FAXC: variants seen among roughly 807,000 people sequenced by gnomAD.
The protein encoded by FAXC is failed axon connections homolog.
In FAXC, 10 loss-of-function variants were observed where a neutral mutation model predicts 41.9. That is an observed-to-expected ratio of 0.24 (90% CI 0.15 to 0.41). The LOEUF (loss-of-function observed/expected upper bound fraction) is 0.41, where lower values mean the gene tolerates loss of function less well. Among genes scored for constraint, FAXC ranks in the 10% least tolerant of loss-of-function variants. The pLI is 1.00. For synonymous variants in FAXC, 183 were observed against 183.8 expected, an observed-to-expected ratio of 1.00 and a Z score of 0.03; for missense variants, 399 against 510.9, an observed-to-expected ratio of 0.78 and a Z score of 2.11.
rs1771169806 is a variant in FAXC, at chr6:99,289,943, G to A, written c.940+1761C>T. Among the ~76,000 whole-genome samples the A allele has an allele frequency of 2.0e-5, 3 of 151,446 alleles. 1 individual carries two copies. In the South Asian group the frequency reaches 6.3e-4, roughly 32 times the overall value. ...TGCCACCACTCGGCACCAGAAGAGA[G>A]TACTGCACCACACATATGGACAGCC... is the stretch of plus-strand genomic sequence containing the variant. On this transcript the variant is annotated intron_variant, in intron 5 of 5. Transcript: ENST00000389677.
intron 5 of FAXC, among the ~76,000 whole-genome samples, chr6:99,290,145 A>ACACACACC: frequency 1.3e-5 from 2 of 150,724 alleles, no homozygotes; most frequent in African/African-American, 4.9e-5. Context: ...ACATACACAC[A>ACACACACC]CCCCAAGATC....
intron 4 of FAXC, among the ~76,000 whole-genome samples, chr6:99,316,474 G>A (rs1241399695): frequency 6.6e-6 from 1 of 152,132 alleles, no homozygotes. Context: ...GCATGCCAGA[G>A]CTATAAGAGG....
At chr6:99,326,603 G>A (rs984549032) in intron 3 of FAXC, among the ~76,000 whole-genome samples, 1 of 152,168 alleles carries the variant, frequency 6.6e-6, no homozygotes, top group African/African-American at 2.4e-5. Context: ...GTGAGCAGGG[G>A]CATGTTGGTG....
intron 4 of FAXC, among the ~76,000 whole-genome samples, chr6:99,304,348 C>T (rs995174029): frequency 6.6e-6 from 1 of 151,942 alleles, no homozygotes; most frequent in African/African-American, 2.4e-5. Flanking sequence ...GAAACCCACT[C>T]TCCCTTATAT....
At chr6:99,288,834 A>T in intron 5 of FAXC, among the ~76,000 whole-genome samples, 1 of 147,040 alleles carries the variant, frequency 6.8e-6, no homozygotes. Flanking sequence ...CCTCCTGGGC[A>T]TGCACATGAA....
chr6:99,305,559 T>C (rs890792718), intron 4 of FAXC, among the ~76,000 whole-genome samples: 3 of 152,096 alleles, frequency 2.0e-5, no homozygotes, highest in Non-Finnish European at 4.4e-5. Flanking sequence ...CCTACCCTCA[T>C]ATGCCTTTAG....
intron 4 of FAXC, among the ~76,000 whole-genome samples, chr6:99,302,836 A>T (rs1186864034): frequency 1.3e-5 from 2 of 152,072 alleles, no homozygotes; most frequent in Admixed American, 6.5e-5. Flanking sequence ...AGTGATTAGA[A>T]GTTAAATGTC....
intron 5 of FAXC, among the ~76,000 whole-genome samples, chr6:99,283,154 T>C (rs958027928): frequency 6.6e-6 from 1 of 152,230 alleles, no homozygotes; most frequent in Non-Finnish European, 1.5e-5. Flanking sequence ...ATCTTATTTT[T>C]CTGTTAAGGA....
intron 3 of FAXC, among the ~76,000 whole-genome samples, chr6:99,325,561 C>T (rs761176): frequency 0.77 from 116,587 of 152,184 alleles, 44,974 homozygotes; most frequent in Middle Eastern, 0.93. Context: ...CATTGATCTT[C>T]CAATACAGAA....
At chr6:99,343,721 G>A (rs1773500411) in intron 1 of FAXC, among the ~76,000 whole-genome samples, 1 of 152,078 alleles carries the variant, frequency 6.6e-6, no homozygotes, top group African/African-American at 2.4e-5. Context: ...AAGTCTGTAG[G>A]GAATCTGAGA....
chr6:99,307,933 A>T (rs221531), intron 4 of FAXC, among the ~76,000 whole-genome samples: 1 of 151,600 alleles, frequency 6.6e-6, no homozygotes, highest in Non-Finnish European at 1.5e-5. Context: ...AATGACATTT[A>T]AAAAAAAAAC....
chr6:99,315,094 T>A (rs1160802721), intron 4 of FAXC, among the ~76,000 whole-genome samples: 10 of 151,284 alleles, frequency 6.6e-5, no homozygotes, highest in Non-Finnish European at 1.2e-4. Flanking sequence ...ATTAGCCAGG[T>A]GTGGTGCCGC....
At position 99,273,042 on chromosome 6, in the gene FAXC, A is replaced by C. The variant is rs1770469923; in HGVS notation, c.*8122T>G. On this transcript the variant is annotated 3_prime_UTR_variant, in exon 6 of 6. Transcript: ENST00000389677. ...CACAATTCAAATCTATCTTACAATC[A>C]AGTGTACAAGTTTAAATATGGCTTT... is the stretch of plus-strand genomic sequence containing the variant. 1 of 152,240 alleles carries C rather than the reference A, an allele frequency of 6.6e-6. No homozygotes were observed. The highest frequency in any genetic ancestry group is 1.5e-5 in the Non-Finnish European group (1 of 68,044). The allele number at this position is 152,240 out of a possible 1,614,324, so 9.4% of individuals were successfully genotyped here.
intron 3 of FAXC, among the ~76,000 whole-genome samples, chr6:99,330,724 G>A (rs572523021): frequency 3.3e-5 from 5 of 152,294 alleles, no homozygotes; most frequent in Admixed American, 2.6e-4. Flanking sequence ...TGTGAGTATA[G>A]ACACAACCTA....
At chr6:99,300,936 G>A (rs148314605) in intron 4 of FAXC, among the ~76,000 whole-genome samples, 1 of 152,240 alleles carries the variant, frequency 6.6e-6, no homozygotes, top group Non-Finnish European at 1.5e-5. Flanking sequence ...GAGGTTTTGT[G>A]TTTGGCCCTC....
intron 2 of FAXC, among the ~76,000 whole-genome samples, chr6:99,338,960 C>A (rs6569996): frequency 0.49 from 74,346 of 151,938 alleles, 18,451 homozygotes; most frequent in East Asian, 0.59. Flanking sequence ...AGTCTGGACT[C>A]GGTGCCACTT....
intron 1 of FAXC, among the ~76,000 whole-genome samples, chr6:99,344,340 G>GTCAGATAAACTTCACTCTTCCT (rs1773522547): frequency 6.6e-6 from 1 of 152,044 alleles, no homozygotes; most frequent in Non-Finnish European, 1.5e-5. Flanking sequence ...CTGATTTCTA[G>GTCAGATAAACTTCACTCTTCCT]TCAGATAAAC....
In FAXC at chr6:99,323,531, T is replaced by C; in HGVS notation, c.736A>G (p.Met246Val). ...HITKGIVKRE[M>V]HGHGIGRFSE... ...AAGCGGCCAATGCCGTGGCCGTGCA[T>C]CTCGCGTTTCACAATTCCTTTCGTT... Residue 246 changes from methionine to valine, a missense_variant, in exon 4 of 6, where the codon ATG becomes GTG. Around this residue, in one of 3 missense-constraint regions of FAXC, gnomAD observed 239 missense variants for 352.7 expected, o/e 0.68. Coordinates refer to ENST00000389677, the MANE Select transcript of FAXC (RefSeq NM_032511.4). The C allele has an allele frequency of 6.2e-7, 1 of 1,614,216 alleles. No individual in the cohort carries two copies. The highest frequency in any genetic ancestry group is 8.5e-7 in the Non-Finnish European group (1 of 1,180,044).
rs1471974382 is a variant in FAXC, at chr6:99,274,574, A to AT, written c.*6589dup. 1 of 152,206 alleles carries AT rather than the reference A, an allele frequency of 6.6e-6. No individual in the cohort carries two copies. The highest frequency in any genetic ancestry group is 6.5e-5 in the Admixed American group (1 of 15,282). The allele number at this position is 152,206 out of a possible 1,614,324, so 9.4% of individuals were successfully genotyped here. A position where few individuals can be genotyped will look rare whatever the true frequency, so the allele number is the denominator to read the frequency against. ...TTTGAGTTGTCAGACATTTGGCATG[A>AT]TGTAGATCACTGGGAAAAAAACATG... is the stretch of plus-strand genomic sequence containing the variant. On this transcript the variant is annotated 3_prime_UTR_variant, in exon 6 of 6. Transcript: ENST00000389677.
Sources: allele counts gnomAD v4.1 joint callset (sites outside exome capture counted in the v4.1 genomes callset), GRCh38; gene constraint gnomAD v4.1.1; regional missense constraint gnomAD v4.1.1; transcripts MANE v1.5; gene names NCBI Gene and HGNC (gene_info 2026-07-23, HGNC 2026-07-21).